Variants in DHRSX observed in about 807,000 individuals in gnomAD.
The protein encoded by DHRSX is polyprenol dehydrogenase.
DHRSX carries 31 observed loss-of-function variants against 34.0 expected under a neutral mutation model. That is an observed-to-expected ratio of 0.91 (90% CI 0.69 to 1.23). The LOEUF is 1.23. Among genes scored for constraint, DHRSX ranks in the 50% most tolerant of loss-of-function variants. The pLI is 0.00. For synonymous variants in DHRSX, 201 were observed against 183.8 expected (o/e 1.09, Z -0.76); for missense variants, 414 against 428.1 (o/e 0.97, Z 0.29).
chrX:2,273,732 T>C (rs1258936481), intron 4 of DHRSX, among the ~76,000 whole-genome samples: 1 of 152,200 alleles, frequency 6.6e-6, no homozygotes, highest in African/African-American at 2.4e-5. Context: ...ATGCAGTATT[T>C]GGTTTTCTGT....
chrX:2,304,312 AATGGATGGATGG>A (rs766851673), intron 3 of DHRSX, among the ~76,000 whole-genome samples: 2 of 97,184 alleles, frequency 2.1e-5, no homozygotes, highest in African/African-American at 4.3e-5. Context: ...TGGATGGATG[AATGGATGGATGG>A]ATGGATGGAT....
At chrX:2,464,588 C>T (rs921131710) in intron 1 of DHRSX, among the ~76,000 whole-genome samples, 24 of 150,432 alleles carry the variant, frequency 1.6e-4, no homozygotes, top group African/African-American at 3.9e-4. Flanking sequence ...CCTAAGAATG[C>T]GTCCAGGGGA....
intron 4 of DHRSX, among the ~76,000 whole-genome samples, chrX:2,286,439 G>T (rs769124397): frequency 1.2e-4 from 19 of 152,274 alleles, no homozygotes; most frequent in Non-Finnish European, 2.2e-4. Context: ...GCTACTTCTG[G>T]CTTGAGGAGC....
At chrX:2,385,940 T>C (rs2043266019) in intron 3 of DHRSX, among the ~76,000 whole-genome samples, 1 of 151,972 alleles carries the variant, frequency 6.6e-6, no homozygotes. Context: ...ACCTTAGGAT[T>C]TGTGGGCCAT....
intron 3 of DHRSX, among the ~76,000 whole-genome samples, chrX:2,397,126 A>G (rs1224352443): frequency 6.6e-6 from 1 of 151,926 alleles, no homozygotes; most frequent in African/African-American, 2.4e-5. Context: ...CAGCCTCCTG[A>G]GTAGCTGAGA....
chrX:2,407,199 C>A (rs1049824554), intron 3 of DHRSX, among the ~76,000 whole-genome samples: 5 of 152,190 alleles, frequency 3.3e-5, no homozygotes, highest in African/African-American at 1.2e-4. Context: ...TAGGTCGAGT[C>A]CAATTTGCTG....
At chrX:2,264,144 A>C (rs1396888621) in intron 5 of DHRSX, among the ~76,000 whole-genome samples, 1 of 152,248 alleles carries the variant, frequency 6.6e-6, no homozygotes, top group Non-Finnish European at 1.5e-5. Flanking sequence ...GGGGATGTAC[A>C]TATCCCACAA....
Position 2,484,758 on chromosome X carries a change from A to C in DHRSX, c.109+16059T>G, listed in dbSNP as rs370953359. ...CTGAGATCACAGAGGGGAAAACAGT[A>C]GAACTGCTGCCCAAGCACATCTGAG... is the stretch of plus-strand genomic sequence containing the variant. On this transcript the variant is annotated intron_variant, in intron 1 of 6. Coordinates refer to ENST00000334651, the MANE Select transcript of DHRSX (RefSeq NM_145177.3). 1.2e-4 allele frequency among the ~76,000 whole-genome samples: 18 copies of C among 152,310 alleles called. No homozygotes were observed. In the South Asian group the frequency reaches 3.5e-3, roughly 30 times the overall value.
At chrX:2,247,218 G>C (rs1364992671) in intron 5 of DHRSX, among the ~76,000 whole-genome samples, 2 of 152,018 alleles carry the variant, frequency 1.3e-5, no homozygotes, top group Admixed American at 1.3e-4. Flanking sequence ...CAAAGTGCTG[G>C]GATTACAGGT....
At chrX:2,411,399 A>G (rs555532151) in intron 2 of DHRSX, among the ~76,000 whole-genome samples, 67 of 151,944 alleles carry the variant, frequency 4.4e-4, no homozygotes, top group African/African-American at 1.5e-3. Context: ...AAACACAAAA[A>G]TTAGATGGGC....
chrX:2,291,679 GTCA>G, intron 3 of DHRSX, 76 bp from the exon 4 acceptor site: 3 of 1,095,986 alleles, frequency 2.7e-6, no homozygotes, highest in Non-Finnish European at 4.2e-6. Flanking sequence ...TTCTAAACAG[GTCA>G]AACTCAATTT....
At position 2,490,128 on chromosome X, in the gene DHRSX, T is replaced by C. The variant is rs899702738; in HGVS notation, c.109+10689A>G. The C allele has an allele frequency of 1.9e-6, 3 of 1,613,776 alleles. No individual in the cohort carries two copies. In the African/African-American group the frequency reaches 4.0e-5, roughly 22 times the overall value. ...TGATTCTCACTCCTCCACATGTCGG[T>C]GGAGATGCCACACCAGGTGGCCTCG... On this transcript the variant is annotated intron_variant, in intron 1 of 6. Coordinates refer to ENST00000334651, the MANE Select transcript of DHRSX (RefSeq NM_145177.3).
chrX:2,395,935 C>T (rs1415951946), intron 3 of DHRSX, among the ~76,000 whole-genome samples: 1 of 152,146 alleles, frequency 6.6e-6, no homozygotes, highest in African/African-American at 2.4e-5. Flanking sequence ...CAAATGACCA[C>T]ACCTGGGGAA....
intron 6 of DHRSX, among the ~76,000 whole-genome samples, chrX:2,234,383 T>G (rs1284727063): frequency 2.6e-5 from 4 of 151,690 alleles, no homozygotes; most frequent in African/African-American, 7.3e-5. Flanking sequence ...CCTTCATCCA[T>G]GCACACAGCC....
chrX:2,320,252 A>G (rs1009384730), intron 3 of DHRSX, among the ~76,000 whole-genome samples: 7 of 151,316 alleles, frequency 4.6e-5, no homozygotes, highest in African/African-American at 1.7e-4. Flanking sequence ...TAGCGATCAT[A>G]TGACCCAAAG....
chrX:2,342,005 C>T (rs1208047660), intron 3 of DHRSX, among the ~76,000 whole-genome samples: 1 of 152,064 alleles, frequency 6.6e-6, no homozygotes, highest in Non-Finnish European at 1.5e-5. Context: ...GGGGTTTCAC[C>T]ATGTTGGCCA....
At chrX:2,222,082 C>T (rs183102799) in intron 6 of DHRSX, among the ~76,000 whole-genome samples, 1 of 152,298 alleles carries the variant, frequency 6.6e-6, no homozygotes, top group African/African-American at 2.4e-5. Context: ...CGTCTGTGAA[C>T]CAGAAAGCAG....
At chrX:2,439,300 G>A (rs2044035291) in intron 1 of DHRSX, among the ~76,000 whole-genome samples, 1 of 151,760 alleles carries the variant, frequency 6.6e-6, no homozygotes, top group Admixed American at 6.6e-5. Flanking sequence ...GAGGGAGAGA[G>A]CAGCTGGAGC....
intron 3 of DHRSX, among the ~76,000 whole-genome samples, chrX:2,316,930 G>A (rs779669386): frequency 5.3e-5 from 8 of 152,196 alleles, no homozygotes; most frequent in South Asian, 4.2e-4. Flanking sequence ...AAAAACAGAC[G>A]CCAGTCACCA....
Sources: gnomAD v4.1 joint callset for allele counts (sites outside exome capture counted in the v4.1 genomes callset) on GRCh38, gnomAD v4.1.1 for gene constraint, MANE v1.5 for transcripts, NCBI Gene and HGNC (gene_info 2026-07-23, HGNC 2026-07-21) for gene names.